UNC5D: variants seen among roughly 807,000 people sequenced by gnomAD.
UNC5D encodes the protein netrin receptor UNC5D.
In UNC5D, 39 loss-of-function variants were observed where a neutral mutation model predicts 105.4. The observed-to-expected ratio is 0.37, with a 90% CI of 0.29 to 0.48. The LOEUF is 0.48. UNC5D is among the 20% of genes least tolerant of loss of function. The pLI is 0.98. For synonymous variants in UNC5D, 452 were observed against 450.4 expected, an observed-to-expected ratio of 1.00 and a Z score of -0.04; for missense variants, 991 against 1,202.4, an observed-to-expected ratio of 0.82 and a Z score of 2.60.
chr8:35,526,580 T>C (rs1421909558), intron 1 of UNC5D, among the ~76,000 whole-genome samples: 1 of 152,140 alleles, frequency 6.6e-6, no homozygotes, highest in Non-Finnish European at 1.5e-5. Flanking sequence ...TTTCTTTTTG[T>C]TTTTTTGTTT....
At position 35,294,010 on chromosome 8, in the gene UNC5D, C is replaced by T. The variant is rs574234636; in HGVS notation, c.103+58123C>T. 9.2e-5 allele frequency among the ~76,000 whole-genome samples: 14 copies of T among 152,258 alleles called. No individual in the cohort carries two copies. In the South Asian group the frequency reaches 2.9e-3, roughly 32 times the overall value. On this transcript the variant is annotated intron_variant, in intron 1 of 16. Coordinates refer to ENST00000404895, the MANE Select transcript of UNC5D (RefSeq NM_080872.4). ...TTAAAAGAACTTTAAAAGACAGTCTCTTACTGGCAGGGTACTTCCTGACTT... is the reference window on the plus strand; with the variant it reads ...TTAAAAGAACTTTAAAAGACAGTCTTTTACTGGCAGGGTACTTCCTGACTT...
At chr8:35,644,473 C>A (rs1357036073) in intron 4 of UNC5D, among the ~76,000 whole-genome samples, 1 of 152,100 alleles carries the variant, frequency 6.6e-6, no homozygotes, top group Non-Finnish European at 1.5e-5. Flanking sequence ...ATTTATAAGA[C>A]CCTGAGAATT....
intron 1 of UNC5D, among the ~76,000 whole-genome samples, chr8:35,237,451 T>C (rs1435561175): frequency 6.6e-6 from 1 of 152,152 alleles, no homozygotes; most frequent in Non-Finnish European, 1.5e-5. Context: ...TTCCACTTAC[T>C]ATTCGTGTGG....
intron 1 of UNC5D, among the ~76,000 whole-genome samples, chr8:35,327,850 G>C (rs1292644278): frequency 6.6e-6 from 1 of 152,200 alleles, no homozygotes; most frequent in African/African-American, 2.4e-5. Flanking sequence ...CGTGAACCCA[G>C]AGATTCGGAT....
chr8:35,439,884 A>AT (rs142598212), intron 1 of UNC5D, among the ~76,000 whole-genome samples: 3,112 of 152,150 alleles, frequency 0.02, 130 homozygotes, highest in African/African-American at 0.071. Context: ...CTCCACTGTT[A>AT]GTCAAAAATC....
intron 2 of UNC5D, among the ~76,000 whole-genome samples, chr8:35,564,103 G>C (rs1339473751): frequency 1.3e-5 from 2 of 151,986 alleles, no homozygotes; most frequent in African/African-American, 2.4e-5. Flanking sequence ...TGGTATCAGG[G>C]TAATGCTGCT....
intron 4 of UNC5D, among the ~76,000 whole-genome samples, chr8:35,677,294 A>AT (rs887161744): frequency 3.9e-5 from 6 of 152,094 alleles, no homozygotes; most frequent in Non-Finnish European, 7.4e-5. Context: ...AAAATGCCAC[A>AT]TTTTTTAAGA....
chr8:35,630,147 T>C (rs1821947548), intron 4 of UNC5D, among the ~76,000 whole-genome samples: 1 of 152,222 alleles, frequency 6.6e-6, no homozygotes, highest in Non-Finnish European at 1.5e-5. Flanking sequence ...TCTTCCACAA[T>C]AGATGAACTC....
intron 2 of UNC5D, among the ~76,000 whole-genome samples, chr8:35,557,170 T>C (rs1816612547): frequency 6.6e-6 from 1 of 152,210 alleles, no homozygotes; most frequent in Admixed American, 6.5e-5. Context: ...CTTTCTCTTC[T>C]TGCTATTGTC....
At chr8:35,390,572 CG>C (rs1803708310) in intron 1 of UNC5D, among the ~76,000 whole-genome samples, 1 of 152,010 alleles carries the variant, frequency 6.6e-6, no homozygotes, top group South Asian at 2.1e-4. Flanking sequence ...ATTGTAAAAA[CG>C]TGTTTCCAAA....
At chr8:35,597,379 A>G (rs1387248402) in intron 4 of UNC5D, among the ~76,000 whole-genome samples, 1 of 152,188 alleles carries the variant, frequency 6.6e-6, no homozygotes, top group Non-Finnish European at 1.5e-5. Flanking sequence ...CCTTTCCTGA[A>G]CAGGGTGTTA....
At chr8:35,644,095 A>C (rs1055032249) in intron 4 of UNC5D, among the ~76,000 whole-genome samples, 4 of 152,178 alleles carry the variant, frequency 2.6e-5, no homozygotes, top group African/African-American at 7.2e-5. Context: ...CTCCTACAAA[A>C]TTCTAAATCA....
intron 11 of UNC5D, 40 bp downstream of exon 11, chr8:35,731,136 C>G (rs188104904): frequency 6.3e-7 from 1 of 1,588,856 alleles, no homozygotes; most frequent in Non-Finnish European, 8.6e-7. Flanking sequence ...AAGTGGCTCA[C>G]GCCTGTAATC....
At chr8:35,450,910 T>C (rs1808104974) in intron 1 of UNC5D, among the ~76,000 whole-genome samples, 1 of 152,194 alleles carries the variant, frequency 6.6e-6, no homozygotes. Context: ...TGAGCACCTT[T>C]AAAGTAGACT....
At chr8:35,718,109 T>A (rs892928121) in intron 8 of UNC5D, among the ~76,000 whole-genome samples, 12 of 151,064 alleles carry the variant, frequency 7.9e-5, no homozygotes, top group Non-Finnish European at 1.5e-4. Flanking sequence ...TTTTTTTTTT[T>A]AACACCTGTA....
chr8:35,261,801 C>A (rs1692054323), intron 1 of UNC5D, among the ~76,000 whole-genome samples: 1 of 151,974 alleles, frequency 6.6e-6, no homozygotes, highest in Non-Finnish European at 1.5e-5. Context: ...ATAACAGGGA[C>A]CATTTAGAGG....
chr8:35,543,799 G>A (rs1815445136), intron 1 of UNC5D, among the ~76,000 whole-genome samples: 1 of 152,252 alleles, frequency 6.6e-6, no homozygotes, highest in African/African-American at 2.4e-5. Flanking sequence ...TGGAATCGCA[G>A]TCCAGCTCAC....
chr8:35,780,578 G>A (rs1011420809), intron 16 of UNC5D, among the ~76,000 whole-genome samples: 2 of 152,132 alleles, frequency 1.3e-5, no homozygotes, highest in Non-Finnish European at 2.9e-5. Flanking sequence ...AGGAAGAAGG[G>A]AGGGGAAAAA....
chr8:35,472,883 G>A (rs1260054894), intron 1 of UNC5D, among the ~76,000 whole-genome samples: 1 of 152,100 alleles, frequency 6.6e-6, no homozygotes, highest in Admixed American at 6.6e-5. Context: ...AAAGATCCCG[G>A]GATGAAAGCG....
Sources: allele counts gnomAD v4.1 joint callset (sites outside exome capture counted in the v4.1 genomes callset), GRCh38; gene constraint gnomAD v4.1.1; transcripts MANE v1.5; gene names NCBI Gene and HGNC (gene_info 2026-07-23, HGNC 2026-07-21).